SLC16A10: variants seen among roughly 807,000 people sequenced by gnomAD.
The protein encoded by SLC16A10 is monocarboxylate transporter 10.
SLC16A10 carries 27 observed loss-of-function variants against 40.0 expected under a neutral mutation model. The observed-to-expected ratio is 0.67, with a 90% CI of 0.50 to 0.93. The LOEUF (loss-of-function observed/expected upper bound fraction) is 0.93, where lower values mean the gene tolerates loss of function less well. Ranked by LOEUF, SLC16A10 falls within the 40% of genes least tolerant of loss-of-function variation. The pLI is 0.00. For synonymous variants in SLC16A10, 213 were observed against 249.8 expected (o/e 0.85, Z 1.39); for missense variants, 529 against 658.2 (o/e 0.80, Z 2.15).
intron 1 of SLC16A10, among the ~76,000 whole-genome samples, chr6:111,126,641 T>C (rs796990653): frequency 3.9e-5 from 6 of 152,324 alleles, no homozygotes; most frequent in African/African-American, 1.4e-4. Context: ...CTTTATACTT[T>C]TCAATTTGTT....
chr6:111,148,471 C>T (rs1772116953), intron 1 of SLC16A10, among the ~76,000 whole-genome samples: 1 of 152,172 alleles, frequency 6.6e-6, no homozygotes, highest in African/African-American at 2.4e-5. Flanking sequence ...GAAGGTGTCA[C>T]CTATTTGACA....
At chr6:111,204,008 ATTT>A (rs1173295982) in intron 3 of SLC16A10, among the ~76,000 whole-genome samples, 2 of 152,084 alleles carry the variant, frequency 1.3e-5, no homozygotes, top group Non-Finnish European at 2.9e-5. Flanking sequence ...AATGCCTCTT[ATTT>A]TTGTTTGTTG....
At chr6:111,180,213 AT>A (rs1772763716) in intron 3 of SLC16A10, among the ~76,000 whole-genome samples, 1 of 152,130 alleles carries the variant, frequency 6.6e-6, no homozygotes, top group Admixed American at 6.5e-5. Context: ...TATCCTCTTT[AT>A]TTCATGGAAG....
At position 111,229,183 on chromosome 6, in the gene SLC16A10, A is replaced by G. The variant is rs1771062516; in HGVS notation, c.*6948A>G. On this transcript the variant is annotated 3_prime_UTR_variant, in exon 6 of 6. Transcript: ENST00000368851. Reference sequence around the variant, plus strand: ...TCAAAATTATTTTTCTTTTAAAAATATTAATATACAACACAATAGAAAATG... The same window carrying G: ...TCAAAATTATTTTTCTTTTAAAAATGTTAATATACAACACAATAGAAAATG... 6.6e-6 allele frequency: 1 copy of G among 152,152 alleles called. No homozygotes were observed. Among genetic ancestry groups the G allele is most frequent in the African/African-American group, 2.4e-5 (1 of 41,428 alleles). 9.4% of individuals were successfully genotyped at this position (152,152 alleles called of 1,614,324 possible).
At chr6:111,151,951 T>C (rs997236343) in intron 1 of SLC16A10, among the ~76,000 whole-genome samples, 1 of 152,148 alleles carries the variant, frequency 6.6e-6, no homozygotes, top group Non-Finnish European at 1.5e-5. Flanking sequence ...CCTTGGTCGA[T>C]TATCACACTG....
chr6:111,089,979 A>G (rs1384460351), intron 1 of SLC16A10, among the ~76,000 whole-genome samples: 5 of 121,300 alleles, frequency 4.1e-5, no homozygotes, highest in Non-Finnish European at 6.3e-5. Flanking sequence ...CAGAGAGACC[A>G]TAGCTTTGCC....
intron 3 of SLC16A10, among the ~76,000 whole-genome samples, chr6:111,201,302 G>C (rs1440448713): frequency 6.6e-6 from 1 of 152,180 alleles, no homozygotes; most frequent in Non-Finnish European, 1.5e-5. Context: ...ACTACTGGGT[G>C]GGGGTAGAGG....
At chr6:111,140,107 C>T (rs1771954756) in intron 1 of SLC16A10, among the ~76,000 whole-genome samples, 1 of 152,100 alleles carries the variant, frequency 6.6e-6, no homozygotes, top group Admixed American at 6.6e-5. Flanking sequence ...ACCCCTGTGA[C>T]ACATGTTTAT....
chr6:111,160,895 G>T (rs1391530777), intron 1 of SLC16A10, among the ~76,000 whole-genome samples: 3 of 152,016 alleles, frequency 2.0e-5, no homozygotes, highest in African/African-American at 2.4e-5. Flanking sequence ...ATATTCAAAG[G>T]TGGGCGCGAT....
intron 1 of SLC16A10, among the ~76,000 whole-genome samples, chr6:111,112,604 A>C (rs2114460879): frequency 6.6e-6 from 1 of 152,360 alleles, no homozygotes; most frequent in East Asian, 1.9e-4. Context: ...ATTTCAGTTT[A>C]ATAAGTTCTT....
At chr6:111,161,222 C>CAAAAAAAAAAAAAAAAAA (rs57463212) in intron 1 of SLC16A10, among the ~76,000 whole-genome samples, 1 of 42,426 alleles carries the variant, frequency 2.4e-5, no homozygotes, top group Non-Finnish European at 4.0e-5. Context: ...GACAGTGTCT[C>CAAAAAAAAAAAAAAAAAA]AAAAAAAAAA....
intron 1 of SLC16A10, among the ~76,000 whole-genome samples, chr6:111,111,471 A>T (rs1771384443): frequency 6.6e-6 from 1 of 152,206 alleles, no homozygotes; most frequent in South Asian, 2.1e-4. Context: ...CTGTAATCAC[A>T]ACACTTTGGG....
chr6:111,195,554 G>T (rs1215639223), intron 3 of SLC16A10, among the ~76,000 whole-genome samples: 1 of 152,084 alleles, frequency 6.6e-6, no homozygotes, highest in Admixed American at 6.6e-5. Context: ...TACTGCTTGG[G>T]CGAAAGTATA....
chr6:111,176,812 G>A (rs1321892039), intron 2 of SLC16A10, among the ~76,000 whole-genome samples: 1 of 152,160 alleles, frequency 6.6e-6, no homozygotes, highest in Non-Finnish European at 1.5e-5. Flanking sequence ...TTTAAAAAAT[G>A]TTTCATTGAG....
intron 3 of SLC16A10, among the ~76,000 whole-genome samples, chr6:111,178,233 A>G (rs1772725156): frequency 6.6e-6 from 1 of 152,240 alleles, no homozygotes; most frequent in Non-Finnish European, 1.5e-5. Flanking sequence ...TGATACAAAG[A>G]AACATTACAT....
chr6:111,147,979 T>C (rs915244183), intron 1 of SLC16A10, among the ~76,000 whole-genome samples: 12 of 152,204 alleles, frequency 7.9e-5, no homozygotes, highest in Non-Finnish European at 1.2e-4. Context: ...TTAGGCCTTA[T>C]TGATCATCAG....
chr6:111,128,210 A>G (rs560498510), intron 1 of SLC16A10, among the ~76,000 whole-genome samples: 2 of 152,338 alleles, frequency 1.3e-5, no homozygotes, highest in African/African-American at 4.8e-5. Context: ...TTATAATTAT[A>G]GTAAACATTT....
chr6:111,121,258 A>G (rs113822632), intron 1 of SLC16A10, among the ~76,000 whole-genome samples: 4 of 152,326 alleles, frequency 2.6e-5, no homozygotes, highest in African/African-American at 9.6e-5. Context: ...CATTGGCAGC[A>G]GCATTATCCA....
At chr6:111,107,362 C>T (rs1771302630) in intron 1 of SLC16A10, among the ~76,000 whole-genome samples, 1 of 152,126 alleles carries the variant, frequency 6.6e-6, no homozygotes, top group South Asian at 2.1e-4. Context: ...CAAGAACAAA[C>T]ATCAAATTTA....
Sources: allele counts gnomAD v4.1 joint callset (sites outside exome capture counted in the v4.1 genomes callset), GRCh38; gene constraint gnomAD v4.1.1; transcripts MANE v1.5; gene names NCBI Gene and HGNC (gene_info 2026-07-23, HGNC 2026-07-21).